FGD5: variants seen among roughly 807,000 people sequenced by gnomAD.
FGD5 encodes FYVE, RhoGEF and PH domain-containing protein 5.
Under a neutral mutation model 133.4 loss-of-function variants are expected in FGD5, and 28 were observed. The ratio of observed to expected loss-of-function variants is 0.21; its 90% CI spans 0.16 to 0.29. FGD5 has a LOEUF of 0.29. FGD5 is among the 10% of genes least tolerant of loss of function. FGD5 has a pLI of 1.00. For missense variants in FGD5, 1,858 were observed against 1,895.2 expected (o/e 0.98, Z 0.36); for synonymous variants, 810 against 776.5 (o/e 1.04, Z -0.72).
At position 14,853,828 on chromosome 3, in the gene FGD5, C is replaced by T. The variant is rs943718308; in HGVS notation, c.2526-10300C>T. Among the ~76,000 whole-genome samples, 3 of 134,376 alleles carry T rather than the reference C, an allele frequency of 2.2e-5. No individual in the cohort carries two copies. The Admixed American group carries it at 2.3e-4, about 10-fold the overall frequency. The allele number at this position is 134,376 out of a possible 152,430, so 88.2% of individuals were successfully genotyped here. On this transcript the variant is annotated intron_variant, in intron 1 of 19. Coordinates refer to ENST00000285046, the MANE Select transcript of FGD5 (RefSeq NM_152536.4). Reference sequence around the variant, plus strand: ...ATATCCTCTTACAACTCTAGGCTGCCGAAAAGGACTAGGCTCATTTGGAGC... The same window carrying T: ...ATATCCTCTTACAACTCTAGGCTGCTGAAAAGGACTAGGCTCATTTGGAGC...
At position 14,820,780 on chromosome 3, in the gene FGD5, G is replaced by A. The variant is rs1290766323; in HGVS notation, c.1709G>A (p.Gly570Glu). 1 of 1,613,658 alleles carries A rather than the reference G, an allele frequency of 6.2e-7. No individual in the cohort carries two copies. The highest frequency in any genetic ancestry group is 8.5e-7 in the Non-Finnish European group (1 of 1,179,828). ...GTGTACCAGGAGCCTGAGGGGTCAG[G>A]GTTGGATGACCACAGGATAAAGAGG... Reference protein sequence around the residue: ...VSVYQEPEGSGLDDHRIKRKE... With the variant: ...VSVYQEPEGSELDDHRIKRKE... Residue 570 changes from glycine to glutamate, a missense_variant, in exon 1 of 20, where the codon GGG (glycine) becomes GAG (glutamate). Around this residue, in one of 3 missense-constraint regions of FGD5, gnomAD observed 1,824 missense variants for 1,848.9 expected, o/e 0.99. Transcript: ENST00000285046.
chr3:14,898,157 G>A lies in FGD5; in HGVS notation c.3066+62G>A, dbSNP rs1053903446. 13 of 1,599,934 alleles carry A rather than the reference G, an allele frequency of 8.1e-6. No individual in the cohort carries two copies. The Admixed American group carries it at 1.0e-4, about 12-fold the overall frequency. On this transcript the variant is annotated intron_variant, in intron 6 of 19. Coordinates refer to ENST00000285046, the MANE Select transcript of FGD5 (RefSeq NM_152536.4). ...ATGCAGGGGTTGAGGTGGGCGAAGG[G>A]CTTAATGCAAATCAGTGGGACATCT...
intron 4 of FGD5, among the ~76,000 whole-genome samples, chr3:14,895,070 A>G (rs1319260521): frequency 6.6e-6 from 1 of 151,912 alleles, no homozygotes; most frequent in African/African-American, 2.4e-5. Context: ...CTTTTTTGCT[A>G]TTTGAGTTGT....
rs930601402 is a variant in FGD5, at chr3:14,923,376, A to G, written c.3937+201A>G. ...GTGGAAAATTGATCGGTGTCCCCAG[A>G]AGAAGAGCTCTGTGGGTAGCTAAGC... On this transcript the variant is annotated intron_variant, in intron 16 of 19. Transcript: ENST00000285046. The G allele has an allele frequency of 2.9e-5, 20 of 689,190 alleles. No individual in the cohort carries two copies. The African/African-American group carries it at 3.6e-4, about 12-fold the overall frequency. The allele number at this position is 689,190 out of a possible 1,614,324, so 42.7% of individuals were successfully genotyped here.
chr3:14,892,819 CA>C (rs11297152), intron 4 of FGD5, among the ~76,000 whole-genome samples: 103,237 of 146,748 alleles, frequency 0.7, 35,999 homozygotes, highest in Non-Finnish European at 0.73. Flanking sequence ...AAATCCATCT[CA>C]AAAAAAAAAA....
At chr3:14,915,566 G>T (rs1254725880) in intron 11 of FGD5, among the ~76,000 whole-genome samples, 1 of 152,146 alleles carries the variant, frequency 6.6e-6, no homozygotes, top group Non-Finnish European at 1.5e-5. Flanking sequence ...TGTGTAGAGG[G>T]CTCTCTCTGG....
chr3:14,821,873 G>A (rs564793781), intron 1 of FGD5, among the ~76,000 whole-genome samples: 10 of 152,226 alleles, frequency 6.6e-5, no homozygotes, highest in South Asian at 2.1e-4. Context: ...AGGCCGAGGC[G>A]GGCAGGTCAC....
intron 1 of FGD5, among the ~76,000 whole-genome samples, chr3:14,839,003 G>A (rs1339438586): frequency 6.6e-6 from 1 of 152,228 alleles, no homozygotes; most frequent in East Asian, 1.9e-4. Context: ...CTTTGTACCA[G>A]TGGGTTAGAA....
intron 1 of FGD5, among the ~76,000 whole-genome samples, chr3:14,844,418 C>T (rs1214357858): frequency 1.3e-5 from 2 of 150,668 alleles, no homozygotes; most frequent in African/African-American, 4.9e-5. Flanking sequence ...GGCTTCTTAA[C>T]TAGCTGCGTG....
upstream of FGD5, among the ~76,000 whole-genome samples, chr3:14,815,384 A>G (rs1436433285): frequency 6.6e-6 from 1 of 151,692 alleles, no homozygotes; most frequent in African/African-American, 2.4e-5. Flanking sequence ...ATCATTTTGC[A>G]TAGACTTTAT....
chr3:14,878,867 C>T (rs932137743), intron 2 of FGD5, among the ~76,000 whole-genome samples: 6 of 152,032 alleles, frequency 3.9e-5, no homozygotes, highest in Admixed American at 6.6e-5. Context: ...CCACCATGCC[C>T]GGCTAATCTT....
Position 14,924,138 on chromosome 3 carries a change from G to A in FGD5, c.4068G>A (p.Glu1356=). 6.2e-7 allele frequency: 1 copy of A among 1,613,968 alleles called. No individual in the cohort carries two copies. The highest frequency in any genetic ancestry group is 8.5e-7 in the Non-Finnish European group (1 of 1,179,882). The change falls in exon 17 of 20, where the codon GAG becomes GAA. Residue 1356 remains glutamate (E), a splice_region_variant and synonymous_variant. Transcript: ENST00000285046. The part of the protein sequence containing the change: ...KQKKVPSALT[E]VAASGEGSAI... The stretch of plus-strand genomic sequence containing the variant: ...AGAAAGTCCCTTCAGCCCTGACAGA[G>A]GTAAAGCAGGCAGGGCTACCCAAGT...
At chr3:14,880,809 C>T (rs1396464612) in intron 4 of FGD5, 37 bp downstream of exon 4, 3 of 1,608,126 alleles carry the variant, frequency 1.9e-6, no homozygotes, top group Non-Finnish European at 2.5e-6. Context: ...AACTAATTGC[C>T]CTTTTACAAG....
intron 2 of FGD5, among the ~76,000 whole-genome samples, chr3:14,877,796 G>A (rs935199326): frequency 2.6e-5 from 4 of 152,174 alleles, no homozygotes; most frequent in Admixed American, 2.6e-4. Context: ...GTGACGTCTT[G>A]CATCACCCCA....
intron 4 of FGD5, among the ~76,000 whole-genome samples, chr3:14,883,593 A>G (rs1268492183): frequency 1.3e-5 from 2 of 152,196 alleles, no homozygotes; most frequent in Non-Finnish European, 2.9e-5. Context: ...TCATCTATCC[A>G]TCTGAATTGA....
At position 14,819,095 on chromosome 3, in the gene FGD5, C is replaced by A. The variant is rs1381156490; in HGVS notation, c.24C>A (p.Pro8=). Residue 8 remains proline, a synonymous_variant, in exon 1 of 20, where the codon CCC becomes CCA. Transcript: ENST00000285046. This position sits in a 1 kb window ranked among gnomAD's most constrained non-coding sequence, Gnocchi z 4.1. ...CCATGTTCAGGGGTCCGAAGCCCCC[C>A]ATTGCCCCCAAGCCCAGGCTGACTG... is the stretch of plus-strand genomic sequence containing the variant. The part of the protein sequence containing the change: MFRGPKP[P]IAPKPRLTAP... 1.4e-5 allele frequency: 21 copies of A among 1,549,744 alleles called. No homozygotes were observed. Among genetic ancestry groups the A allele is most frequent in the African/African-American group, 4.1e-5 (3 of 72,964 alleles).
At chr3:14,919,044 T>G (rs1010705849) in intron 13 of FGD5, among the ~76,000 whole-genome samples, 6 of 152,288 alleles carry the variant, frequency 3.9e-5, no homozygotes, top group African/African-American at 1.4e-4. Flanking sequence ...ATGTACACAC[T>G]CATAAAATTT....
At chr3:14,845,104 G>A (rs773721203) in intron 1 of FGD5, among the ~76,000 whole-genome samples, 47 of 152,060 alleles carry the variant, frequency 3.1e-4, no homozygotes, top group Non-Finnish European at 4.3e-4. Context: ...CAGCTTCTGG[G>A]TTTTGGGTGT....
At chr3:14,910,309 G>A (rs1472087364) in intron 10 of FGD5, among the ~76,000 whole-genome samples, 1 of 152,148 alleles carries the variant, frequency 6.6e-6, no homozygotes, top group Non-Finnish European at 1.5e-5. Context: ...GCACCCGCAC[G>A]CATCTCCTTA....
Sources: gnomAD v4.1 joint callset for allele counts (sites outside exome capture counted in the v4.1 genomes callset) on GRCh38, gnomAD v4.1.1 for gene constraint, gnomAD v4.1.1 regional missense constraint, Gnocchi (gnomAD v3.1) non-coding constraint, MANE v1.5 for transcripts, NCBI Gene and HGNC (gene_info 2026-07-23, HGNC 2026-07-21) for gene names.